The following BTBD9 variants were observed in gnomAD, a reference collection of about 807,000 sequenced individuals.
The protein encoded by BTBD9 is BTB domain containing 9.
In BTBD9, 49 loss-of-function variants were observed where a neutral mutation model predicts 64.3. That is an observed-to-expected ratio of 0.76 (90% CI 0.61 to 0.97). The LOEUF is 0.97. Ranked by LOEUF, BTBD9 falls within the 50% of genes least tolerant of loss-of-function variation. The pLI, the probability that BTBD9 is intolerant of heterozygous loss-of-function variation, is 0.00. For synonymous variants in BTBD9, 260 were observed against 274.7 expected, an observed-to-expected ratio of 0.95 and a Z score of 0.53; for missense variants, 598 against 762.1, an observed-to-expected ratio of 0.78 and a Z score of 2.53.
intron 6 of BTBD9, among the ~76,000 whole-genome samples, chr6:38,526,188 G>A (rs923310446): frequency 1.3e-5 from 2 of 152,168 alleles, no homozygotes; most frequent in Admixed American, 6.5e-5. Context: ...GCCCTGTATC[G>A]CACCTGCTCC....
At chr6:38,342,677 T>C (rs1764150845) in intron 7 of BTBD9, among the ~76,000 whole-genome samples, 1 of 151,808 alleles carries the variant, frequency 6.6e-6, no homozygotes, top group Non-Finnish European at 1.5e-5. Context: ...TTTCACAGGA[T>C]ATAAGAAAGT....
intron 8 of BTBD9, among the ~76,000 whole-genome samples, chr6:38,266,790 C>G (rs1765022526): frequency 6.6e-6 from 1 of 152,192 alleles, no homozygotes; most frequent in African/African-American, 2.4e-5. Context: ...TGGAAAGTGA[C>G]TCTAATACAG....
chr6:38,176,238 A>G (rs935963701), intron 10 of BTBD9, among the ~76,000 whole-genome samples: 1 of 152,240 alleles, frequency 6.6e-6, no homozygotes, highest in Non-Finnish European at 1.5e-5. Context: ...TCTACCGTAG[A>G]ATCAAGTTCA....
chr6:38,325,399 A>G (rs1167736786), intron 7 of BTBD9, among the ~76,000 whole-genome samples: 1 of 152,162 alleles, frequency 6.6e-6, no homozygotes, highest in East Asian at 1.9e-4. Context: ...TAAAAACAAC[A>G]AAGAGGCTGG....
rs1045237573 is a variant in BTBD9, at chr6:38,543,741, A to C, written c.1154+33859T>G. Among the ~76,000 whole-genome samples, 21 of 152,096 alleles carry C rather than the reference A, an allele frequency of 1.4e-4. No homozygotes were observed. The East Asian group carries it at 2.5e-3, about 18-fold the overall frequency. On this transcript the variant is annotated intron_variant, in intron 6 of 10. Transcript: ENST00000481247. ...GGGAGGCCGAGACGGGCGGATCACG[A>C]GGTCAGGAGATCGAGACCATCTTGG...
At chr6:38,501,848 TA>T (rs1772216128) in intron 6 of BTBD9, among the ~76,000 whole-genome samples, 1 of 151,608 alleles carries the variant, frequency 6.6e-6, no homozygotes, top group Non-Finnish European at 1.5e-5. Flanking sequence ...AATTTTTAAA[TA>T]GTTATTTTTC....
chr6:38,606,572 T>C (rs879788213), intron 1 of BTBD9, among the ~76,000 whole-genome samples: 4 of 152,096 alleles, frequency 2.6e-5, no homozygotes, highest in Admixed American at 1.3e-4. Flanking sequence ...CATTAAAATA[T>C]TTGTTGACTA....
chr6:38,629,261 A>C (rs535124738), intron 1 of BTBD9, among the ~76,000 whole-genome samples: 10 of 152,360 alleles, frequency 6.6e-5, no homozygotes, highest in African/African-American at 2.2e-4. Context: ...TGAAAGTTTG[A>C]GGAGTAACAG....
intron 8 of BTBD9, among the ~76,000 whole-genome samples, chr6:38,267,420 G>A (rs1765048601): frequency 6.6e-6 from 1 of 152,194 alleles, no homozygotes; most frequent in Admixed American, 6.5e-5. Flanking sequence ...TGAAACAAAA[G>A]GCCCCAGTGT....
chr6:38,580,054 TAAAG>T (rs1776218995), intron 5 of BTBD9, among the ~76,000 whole-genome samples, 160 bp downstream of exon 5: 1 of 152,252 alleles, frequency 6.6e-6, no homozygotes, highest in African/African-American at 2.4e-5. Flanking sequence ...GTATTTCTTT[TAAAG>T]AAATATATCC....
chr6:38,185,385 G>A (rs1761771792), intron 10 of BTBD9, among the ~76,000 whole-genome samples: 3 of 152,160 alleles, frequency 2.0e-5, no homozygotes, highest in Admixed American at 6.5e-5. Context: ...AGAGCCACCT[G>A]CTTATCAATG....
chr6:38,572,619 A>G (rs1775822869), intron 6 of BTBD9, among the ~76,000 whole-genome samples: 1 of 152,206 alleles, frequency 6.6e-6, no homozygotes, highest in Admixed American at 6.5e-5. Flanking sequence ...ATATGCTAGA[A>G]TCCAGCTCAT....
At chr6:38,443,478 T>TATTTCCCA (rs1419135216) in intron 6 of BTBD9, among the ~76,000 whole-genome samples, 1 of 152,172 alleles carries the variant, frequency 6.6e-6, no homozygotes, top group Non-Finnish European at 1.5e-5. Context: ...TATCAACTCG[T>TATTTCCCA]ATTTCCCAAT....
At position 38,282,099 on chromosome 6, in the gene BTBD9, TA is replaced by T. The variant is rs538918921; in HGVS notation, c.1454+6172del. 2.0e-4 allele frequency among the ~76,000 whole-genome samples: 30 copies of T among 152,314 alleles called. No individual in the cohort carries two copies. The East Asian group carries it at 5.2e-3, about 26-fold the overall frequency. On this transcript the variant is annotated intron_variant, in intron 8 of 10. Coordinates refer to ENST00000481247, the MANE Select transcript of BTBD9 (RefSeq NM_001099272.2). ...TTAAACTAAGGCGACAGAGGGACTA[TA>T]AACTAAGACATTAGGTGGATTTGGT...
chr6:38,465,321 A>G (rs1263516119), intron 6 of BTBD9, among the ~76,000 whole-genome samples: 2 of 151,234 alleles, frequency 1.3e-5, no homozygotes, highest in Non-Finnish European at 2.9e-5. Flanking sequence ...TTTATTTAAT[A>G]TATATGGGTA....
At chr6:38,564,169 C>T (rs538509937) in intron 6 of BTBD9, among the ~76,000 whole-genome samples, 4 of 152,246 alleles carry the variant, frequency 2.6e-5, no homozygotes, top group Admixed American at 6.5e-5. Context: ...AAACTGTATT[C>T]GTGTTATACC....
intron 9 of BTBD9, chr6:38,193,978 A>G: frequency 1.2e-6 from 1 of 817,084 alleles, no homozygotes; most frequent in Non-Finnish European, 1.5e-6. Flanking sequence ...TTCTGGAAAC[A>G]AAGAAAAATC....
At chr6:38,343,165 A>G (rs922625167) in intron 7 of BTBD9, among the ~76,000 whole-genome samples, 7 of 152,110 alleles carry the variant, frequency 4.6e-5, no homozygotes, top group African/African-American at 9.7e-5. Context: ...CACCAAAAAC[A>G]CTTCTTGTTT....
intron 6 of BTBD9, among the ~76,000 whole-genome samples, chr6:38,355,715 T>C (rs959057006): frequency 5.9e-5 from 9 of 152,212 alleles, no homozygotes; most frequent in African/African-American, 1.9e-4. Flanking sequence ...GGTTTCACTA[T>C]GAAGCAAGCT....
Sources: allele counts gnomAD v4.1 joint callset (sites outside exome capture counted in the v4.1 genomes callset), GRCh38; gene constraint gnomAD v4.1.1; transcripts MANE v1.5; gene names NCBI Gene and HGNC (gene_info 2026-07-23, HGNC 2026-07-21).